Variants in HS6ST3 observed in about 807,000 individuals in gnomAD.
HS6ST3 encodes heparan-sulfate 6-O-sulfotransferase 3.
In HS6ST3, 12 loss-of-function variants were observed where a neutral mutation model predicts 36.7. The ratio of observed to expected loss-of-function variants is 0.33; its 90% CI spans 0.21 to 0.53. HS6ST3 has a LOEUF of 0.53. Among genes scored for constraint, HS6ST3 ranks in the 20% least tolerant of loss-of-function variants. The pLI, the probability that HS6ST3 is intolerant of heterozygous loss-of-function variation, is 0.95. For synonymous variants in HS6ST3, 240 were observed against 257.5 expected (o/e 0.93, Z 0.65); for missense variants, 584 against 640.9 (o/e 0.91, Z 0.96).
At chr13:96,614,686 TAA>T (rs2056468120) in intron 1 of HS6ST3, among the ~76,000 whole-genome samples, 1 of 152,196 alleles carries the variant, frequency 6.6e-6, no homozygotes, top group Non-Finnish European at 1.5e-5. Context: ...TACATATGTA[TAA>T]AGATTGCTGA....
intron 1 of HS6ST3, among the ~76,000 whole-genome samples, chr13:96,647,351 A>G (rs534269610): frequency 3.3e-5 from 5 of 152,192 alleles, no homozygotes; most frequent in African/African-American, 9.6e-5. Flanking sequence ...CGTGAGTTGC[A>G]TCTAAATAAA....
rs1162474605 is a variant in HS6ST3, at chr13:96,411,984, A to ATTTCT, written c.707+320428_707+320432dup. ...AATAGAGGAAGGTGGTATGCCTGGT[A>ATTTCT]TTTCTTTTCTTTTCTTTATTTTTTC... On this transcript the variant is annotated intron_variant, in intron 1 of 1. Coordinates refer to ENST00000376705, the MANE Select transcript of HS6ST3 (RefSeq NM_153456.4). Among the ~76,000 whole-genome samples, 7 of 151,948 alleles carry ATTTCT rather than the reference A, an allele frequency of 4.6e-5. No individual in the cohort carries two copies. The East Asian group carries it at 1.4e-3, about 30-fold the overall frequency.
Position 96,702,120 on chromosome 13 carries a change from C to T in HS6ST3, c.708-130370C>T, listed in dbSNP as rs150897364. 7.7e-3 allele frequency among the ~76,000 whole-genome samples: 1,166 copies of T among 152,206 alleles called. 10 individuals carry two copies. The highest frequency in any genetic ancestry group is 7.8e-3 in the Non-Finnish European group (530 of 68,018). On this transcript the variant is annotated intron_variant, in intron 1 of 1. Coordinates refer to ENST00000376705, the MANE Select transcript of HS6ST3 (RefSeq NM_153456.4). ...AGGGAGATGGTAAGATGGACCGTAT[C>T]GATGGAGTTACATATCTTGGTGAAG...
At chr13:96,234,557 G>A (rs1428525787) in intron 1 of HS6ST3, among the ~76,000 whole-genome samples, 3 of 152,136 alleles carry the variant, frequency 2.0e-5, no homozygotes, top group African/African-American at 7.2e-5. Flanking sequence ...AGGCAAAGGA[G>A]GAGCAAAGAC....
In HS6ST3 at chr13:96,669,911, A is replaced by G. The variant is rs562827504; in HGVS notation, c.708-162579A>G. Reference sequence around the variant, plus strand: ...GAGGAAATTAAGGCTTAAGTAGCCTAAAATACACTGGTGTGGAGTTCAGGA... The same window carrying G: ...GAGGAAATTAAGGCTTAAGTAGCCTGAAATACACTGGTGTGGAGTTCAGGA... On this transcript the variant is annotated intron_variant, in intron 1 of 1. Transcript: ENST00000376705. 3.3e-5 allele frequency among the ~76,000 whole-genome samples: 5 copies of G among 152,290 alleles called. No homozygotes were observed. The East Asian group carries it at 9.7e-4, about 29-fold the overall frequency.
At chr13:96,483,806 C>G (rs1430735182) in intron 1 of HS6ST3, among the ~76,000 whole-genome samples, 1 of 152,144 alleles carries the variant, frequency 6.6e-6, no homozygotes, top group Admixed American at 6.6e-5. Context: ...GAATGGCTCA[C>G]AAGCAGTCAT....
At chr13:96,373,610 T>C (rs1214780590) in intron 1 of HS6ST3, among the ~76,000 whole-genome samples, 2 of 152,188 alleles carry the variant, frequency 1.3e-5, no homozygotes, top group Non-Finnish European at 2.9e-5. Context: ...AATTTGAAAA[T>C]GGGACTGTTT....
At chr13:96,191,298 C>T (rs187189929) in intron 1 of HS6ST3, among the ~76,000 whole-genome samples, 11 of 152,132 alleles carry the variant, frequency 7.2e-5, no homozygotes, top group Admixed American at 2.0e-4. Context: ...TCCATTCCAG[C>T]GTAAAGACAT....
At chr13:96,553,587 G>A (rs935232692) in intron 1 of HS6ST3, among the ~76,000 whole-genome samples, 1 of 152,182 alleles carries the variant, frequency 6.6e-6, no homozygotes, top group Non-Finnish European at 1.5e-5. Context: ...TGTAGAGATA[G>A]GAAAGCATTC....
At chr13:96,724,295 A>G (rs1875943389) in intron 1 of HS6ST3, among the ~76,000 whole-genome samples, 1 of 152,248 alleles carries the variant, frequency 6.6e-6, no homozygotes, top group Non-Finnish European at 1.5e-5. Flanking sequence ...TGTGGAGACA[A>G]GGAGTGAACT....
At chr13:96,503,307 C>T (rs911596288) in intron 1 of HS6ST3, among the ~76,000 whole-genome samples, 3 of 152,136 alleles carry the variant, frequency 2.0e-5, no homozygotes, top group African/African-American at 7.2e-5. Flanking sequence ...TTGAGAACTA[C>T]CCATTGGTGA....
intron 1 of HS6ST3, among the ~76,000 whole-genome samples, chr13:96,525,866 G>A (rs187463963): frequency 6.6e-6 from 1 of 152,308 alleles, no homozygotes; most frequent in East Asian, 1.9e-4. Flanking sequence ...TAAAGACACT[G>A]TTCCTGACCT....
At chr13:96,625,594 A>G (rs1168103138) in intron 1 of HS6ST3, among the ~76,000 whole-genome samples, 4 of 152,116 alleles carry the variant, frequency 2.6e-5, no homozygotes, top group Non-Finnish European at 5.9e-5. Flanking sequence ...AAATTATTAT[A>G]TTTTAATTAA....
At chr13:96,234,930 T>G (rs185403413) in intron 1 of HS6ST3, among the ~76,000 whole-genome samples, 1 of 152,304 alleles carries the variant, frequency 6.6e-6, no homozygotes, top group African/African-American at 2.4e-5. Context: ...GTCAAATGAT[T>G]TGTTGTAGAT....
At chr13:96,530,619 C>G (rs2056131795) in intron 1 of HS6ST3, among the ~76,000 whole-genome samples, 1 of 151,892 alleles carries the variant, frequency 6.6e-6, no homozygotes, top group South Asian at 2.1e-4. Flanking sequence ...CCTCCCACCT[C>G]AAACTGAGAT....
At chr13:96,211,424 C>G in intron 1 of HS6ST3, among the ~76,000 whole-genome samples, 1 of 152,100 alleles carries the variant, frequency 6.6e-6, no homozygotes, top group East Asian at 1.9e-4. Context: ...GATAACCCCA[C>G]GACTACAATG....
chr13:96,799,557 C>T (rs556917265), intron 1 of HS6ST3, among the ~76,000 whole-genome samples: 2 of 149,258 alleles, frequency 1.3e-5, no homozygotes, highest in African/African-American at 2.5e-5. Flanking sequence ...CGCATATTCT[C>T]ACTCATAGGT....
chr13:96,161,209 T>A (rs1261600376), intron 1 of HS6ST3, among the ~76,000 whole-genome samples: 1 of 152,108 alleles, frequency 6.6e-6, no homozygotes, highest in East Asian at 1.9e-4. Flanking sequence ...AGTTGAGGAT[T>A]CTAATGCATT....
At chr13:96,484,804 A>G (rs551060112) in intron 1 of HS6ST3, among the ~76,000 whole-genome samples, 1 of 152,342 alleles carries the variant, frequency 6.6e-6, no homozygotes, top group African/African-American at 2.4e-5. Flanking sequence ...TGCTGCAATG[A>G]ACATGGGAGT....
Sources: gnomAD v4.1 joint callset for allele counts (sites outside exome capture counted in the v4.1 genomes callset) on GRCh38, gnomAD v4.1.1 for gene constraint, MANE v1.5 for transcripts, NCBI Gene and HGNC (gene_info 2026-07-23, HGNC 2026-07-21) for gene names.